ERICH1: variants seen among roughly 807,000 people sequenced by gnomAD.
ERICH1 encodes the protein glutamate rich 1.
In ERICH1, 56 loss-of-function variants were observed where a neutral mutation model predicts 39.6. The ratio of observed to expected loss-of-function variants is 1.41; its 90% CI spans 1.14 to 1.77. ERICH1 has a LOEUF of 1.77. Ranked by LOEUF, ERICH1 falls within the 40% of genes most tolerant of loss-of-function variation. ERICH1 has a pLI of 0.00. For synonymous variants in ERICH1, 313 were observed against 223.6 expected, an observed-to-expected ratio of 1.40 and a Z score of -3.57; for missense variants, 826 against 575.4, an observed-to-expected ratio of 1.44 and a Z score of -4.45.
At chr8:699,223 TATC>T (rs1811090227) in intron 2 of ERICH1, among the ~76,000 whole-genome samples, 1 of 152,062 alleles carries the variant, frequency 6.6e-6, no homozygotes, top group Non-Finnish European at 1.5e-5. Flanking sequence ...TAAGGCTGGT[TATC>T]ATCAGGAACG....
chr8:626,886 G>A (rs7011386), intron 3 of ERICH1: 4,597 of 301,684 alleles, frequency 0.015, 212 homozygotes, highest in African/African-American at 0.093. Context: ...GCTGGCGGTT[G>A]GAACCTGTTC....
At chr8:615,213 C>A in exon 4 of ERICH1, 1 of 682,174 alleles carries the variant, frequency 1.5e-6, no homozygotes, top group South Asian at 1.6e-5. Flanking sequence ...CAAGTCAGCA[C>A]CACAGCTGGT....
chr8:711,904 T>C (rs978750953), intron 2 of ERICH1, among the ~76,000 whole-genome samples: 9 of 152,212 alleles, frequency 5.9e-5, no homozygotes, highest in African/African-American at 2.2e-4. Context: ...GAAAAGATCA[T>C]TCACTGAATA....
chr8:731,173 C>CCGCGGACCTCAGACCACGGCG lies in ERICH1; in HGVS notation c.-33_-13dup, dbSNP rs1819921045. On this transcript the variant is annotated 5_prime_UTR_variant, in exon 1 of 6. Coordinates refer to ENST00000262109, the MANE Select transcript of ERICH1 (RefSeq NM_207332.3). ...CTGTGCGCCGCCATGCGGGACCCTG[C>CCGCGGACCTCAGACCACGGCG]CGCGGACCTCAGACCACGGCGCGCG... 4 of 1,504,112 alleles carry CCGCGGACCTCAGACCACGGCG rather than the reference C, an allele frequency of 2.7e-6. No individual in the cohort carries two copies. The highest frequency in any genetic ancestry group is 4.2e-5 in the Admixed American group (2 of 47,956). 93.2% of individuals were successfully genotyped at this position (1,504,112 alleles called of 1,614,324 possible).
chr8:655,660 ATTCC>A (rs57152332), intron 3 of ERICH1, among the ~76,000 whole-genome samples: 11,195 of 142,952 alleles, frequency 0.078, 500 homozygotes, highest in African/African-American at 0.11. Flanking sequence ...TGTCCTCTGC[ATTCC>A]TTCCTTCCTT....
At chr8:624,822 G>A (rs1055112368) in intron 3 of ERICH1, among the ~76,000 whole-genome samples, 2 of 152,090 alleles carry the variant, frequency 1.3e-5, no homozygotes, top group African/African-American at 4.8e-5. Flanking sequence ...TGCCTCCCGG[G>A]TTCACGCCAT....
At chr8:713,223 C>T (rs1343812445) in intron 2 of ERICH1, among the ~76,000 whole-genome samples, 1 of 152,228 alleles carries the variant, frequency 6.6e-6, no homozygotes, top group African/African-American at 2.4e-5. Flanking sequence ...CATCTCCAAA[C>T]ACAGTCACAT....
chr8:729,111 G>A (rs949586337), intron 1 of ERICH1, among the ~76,000 whole-genome samples: 10 of 152,182 alleles, frequency 6.6e-5, no homozygotes, highest in Admixed American at 4.6e-4. Flanking sequence ...CTCGGGGAGG[G>A]AGGGATACCG....
intron 3 of ERICH1, among the ~76,000 whole-genome samples, chr8:633,860 T>C (rs757779822): frequency 6.6e-6 from 1 of 152,210 alleles, no homozygotes. Context: ...AATTGGCCCC[T>C]ACTTTACAGC....
At chr8:722,071 T>C (rs2132415939) in intron 1 of ERICH1, among the ~76,000 whole-genome samples, 1 of 151,992 alleles carries the variant, frequency 6.6e-6, no homozygotes, top group Non-Finnish European at 1.5e-5. Flanking sequence ...TCCGTGTCTG[T>C]CAGAAGCCTG....
At chr8:710,183 G>A (rs1050694299) in intron 2 of ERICH1, among the ~76,000 whole-genome samples, 5 of 152,196 alleles carry the variant, frequency 3.3e-5, no homozygotes, top group Admixed American at 3.3e-4. Context: ...CATCCTGTGA[G>A]TTGAAGCAAA....
At chr8:618,368 C>T (rs962253717) in intron 3 of ERICH1, among the ~76,000 whole-genome samples, 2 of 149,406 alleles carry the variant, frequency 1.3e-5, no homozygotes, top group Non-Finnish European at 3.0e-5. Context: ...CTTGGTCTGT[C>T]CTCACTGCCC....
At chr8:717,662 G>C (rs931526176) in intron 1 of ERICH1, among the ~76,000 whole-genome samples, 1 of 152,174 alleles carries the variant, frequency 6.6e-6, no homozygotes, top group East Asian at 1.9e-4. Context: ...ATAACCAGCC[G>C]TCCAATTCTG....
intron 3 of ERICH1, among the ~76,000 whole-genome samples, chr8:686,920 A>C (rs1807538620): frequency 6.7e-6 from 1 of 148,468 alleles, no homozygotes; most frequent in Non-Finnish European, 1.5e-5. Context: ...GGCCCTTGAG[A>C]GGGTGAGATG....
At chr8:692,371 C>G in intron 3 of ERICH1, 107 bp downstream of exon 3, 1 of 1,495,024 alleles carries the variant, frequency 6.7e-7, no homozygotes, top group Non-Finnish European at 9.1e-7. Flanking sequence ...ACATGCTCAC[C>G]CACCCCCCAA....
chr8:713,506 T>G (rs1050928312), intron 2 of ERICH1, among the ~76,000 whole-genome samples: 8 of 152,220 alleles, frequency 5.3e-5, no homozygotes. Context: ...ACCCCGTATC[T>G]AGGAGACGTG....
At chr8:625,617 T>C (rs1797560813) in intron 3 of ERICH1, 1 of 152,356 alleles carries the variant, frequency 6.6e-6, no homozygotes, top group East Asian at 1.9e-4. Flanking sequence ...AAGTGAATTT[T>C]ACGGTAAGCA....
chr8:680,537 G>C (rs1419639439), intron 3 of ERICH1, among the ~76,000 whole-genome samples: 2 of 144,468 alleles, frequency 1.4e-5, no homozygotes, highest in East Asian at 2.1e-4. Context: ...GGTAAACACG[G>C]AAAGTCCAAG....
intron 3 of ERICH1, among the ~76,000 whole-genome samples, chr8:654,884 CG>C (rs1563192664): frequency 6.6e-6 from 1 of 152,182 alleles, no homozygotes; most frequent in African/African-American, 2.4e-5. Context: ...GAACCTGAGG[CG>C]GGAACACCTG....
Sources: gnomAD v4.1 joint callset for allele counts (sites outside exome capture counted in the v4.1 genomes callset) on GRCh38, gnomAD v4.1.1 for gene constraint, MANE v1.5 for transcripts, NCBI Gene and HGNC (gene_info 2026-07-23, HGNC 2026-07-21) for gene names.